WWOX: variants seen among roughly 807,000 people sequenced by gnomAD.
WWOX encodes WW domain containing oxidoreductase.
WWOX carries 69 observed loss-of-function variants against 46.2 expected under a neutral mutation model. That is an observed-to-expected ratio of 1.49 (90% CI 1.23 to 1.82). WWOX has a LOEUF of 1.82. Among genes scored for constraint, WWOX ranks in the 40% most tolerant of loss-of-function variants. The pLI, the probability that WWOX is intolerant of heterozygous loss-of-function variation, is 0.00. For missense variants in WWOX, 919 were observed against 542.6 expected (o/e 1.69, Z -6.89); for synonymous variants, 359 against 202.6 (o/e 1.77, Z -6.56).
intron 8 of WWOX, among the ~76,000 whole-genome samples, chr16:78,798,422 C>T (rs142157138): frequency 1.1e-3 from 162 of 152,156 alleles, no homozygotes; most frequent in Non-Finnish European, 1.9e-3. Flanking sequence ...TGGTGCGATG[C>T]GGGAACAAAA....
intron 8 of WWOX, among the ~76,000 whole-genome samples, chr16:79,032,817 A>C (rs989408747): frequency 1.3e-5 from 2 of 151,528 alleles, no homozygotes; most frequent in Non-Finnish European, 1.5e-5. Flanking sequence ...TTTGTTATAT[A>C]GGTAAACTGG....
intron 8 of WWOX, among the ~76,000 whole-genome samples, chr16:79,097,645 G>T (rs1402150041): frequency 1.3e-5 from 2 of 152,158 alleles, no homozygotes; most frequent in Non-Finnish European, 2.9e-5. Flanking sequence ...TCCAAAGGGG[G>T]TTAGGTTTGT....
chr16:79,038,941 C>T (rs142440654), intron 8 of WWOX, among the ~76,000 whole-genome samples: 5 of 152,128 alleles, frequency 3.3e-5, no homozygotes, highest in East Asian at 1.9e-4. Context: ...TTCATGACCA[C>T]ATATATCTAT....
intron 8 of WWOX, among the ~76,000 whole-genome samples, chr16:78,639,431 C>T (rs1340300085): frequency 6.6e-6 from 1 of 152,086 alleles, no homozygotes; most frequent in African/African-American, 2.4e-5. Flanking sequence ...TGGAAGTGCA[C>T]AGAAGGAAAG....
intron 8 of WWOX, among the ~76,000 whole-genome samples, chr16:78,516,031 T>C (rs1479576779): frequency 3.3e-5 from 5 of 152,058 alleles, no homozygotes; most frequent in Non-Finnish European, 7.4e-5. Flanking sequence ...GCTCCCTCTC[T>C]TTAAGGTTTT....
chr16:78,888,227 C>A (rs114647741), intron 8 of WWOX, among the ~76,000 whole-genome samples: 141 of 152,274 alleles, frequency 9.3e-4, no homozygotes, highest in African/African-American at 3.2e-3. Context: ...TGTTGGGCAA[C>A]TGGGGGCTTT....
chr16:79,030,074 A>G (rs113362055), intron 8 of WWOX, among the ~76,000 whole-genome samples: 1 of 152,326 alleles, frequency 6.6e-6, no homozygotes, highest in East Asian at 1.9e-4. Flanking sequence ...AAAAAATAGC[A>G]TCTGCCCAAA....
intron 6 of WWOX, among the ~76,000 whole-genome samples, chr16:78,405,705 T>C (rs746728288): frequency 6.6e-6 from 1 of 152,214 alleles, no homozygotes; most frequent in Non-Finnish European, 1.5e-5. Flanking sequence ...ATATCCTCTT[T>C]TAGGCACCAT....
chr16:78,272,389 G>C (rs189249024), intron 5 of WWOX, among the ~76,000 whole-genome samples: 1 of 152,160 alleles, frequency 6.6e-6, no homozygotes, highest in Non-Finnish European at 1.5e-5. Context: ...TTACATGGTG[G>C]CTCAGGGCTC....
chr16:78,845,814 G>A (rs924099811), intron 8 of WWOX, among the ~76,000 whole-genome samples: 2 of 152,184 alleles, frequency 1.3e-5, no homozygotes, highest in Non-Finnish European at 2.9e-5. Flanking sequence ...GGCTTATGTG[G>A]GCACTTAAGA....
intron 8 of WWOX, among the ~76,000 whole-genome samples, chr16:78,593,166 C>G (rs1040830999): frequency 6.6e-6 from 1 of 152,116 alleles, no homozygotes; most frequent in Non-Finnish European, 1.5e-5. Flanking sequence ...CCTTGCTCCC[C>G]TGGAGTGTAT....
intron 8 of WWOX, among the ~76,000 whole-genome samples, chr16:79,051,184 G>A (rs996892686): frequency 1.3e-5 from 2 of 152,156 alleles, no homozygotes; most frequent in Admixed American, 1.3e-4. Context: ...GAGCCTGTTG[G>A]GAGAAAAAGT....
chr16:79,178,507 A>C (rs1035589348), intron 8 of WWOX, among the ~76,000 whole-genome samples: 1 of 152,000 alleles, frequency 6.6e-6, no homozygotes, highest in African/African-American at 2.4e-5. Context: ...TGTAGAGACA[A>C]GGTCTCACTG....
At chr16:78,887,588 G>C (rs1011028921) in intron 8 of WWOX, among the ~76,000 whole-genome samples, 4 of 151,770 alleles carry the variant, frequency 2.6e-5, no homozygotes, top group African/African-American at 9.7e-5. Context: ...AGTTGAACAA[G>C]TGGCTGAAAA....
chr16:78,483,422 ATTTT>A (rs367626448), intron 8 of WWOX, among the ~76,000 whole-genome samples: 77 of 133,916 alleles, frequency 5.7e-4, no homozygotes, highest in African/African-American at 2.1e-3. Context: ...TCTGCGTAGA[ATTTT>A]TTTTTTTTTT....
intron 8 of WWOX, among the ~76,000 whole-genome samples, chr16:78,583,958 G>C (rs921127543): frequency 3.3e-5 from 5 of 152,190 alleles, no homozygotes; most frequent in African/African-American, 1.2e-4. Flanking sequence ...CAGCCTCCTT[G>C]CTCCCAAACA....
At chr16:78,994,503 G>A (rs1203787575) in intron 8 of WWOX, 1 of 152,178 alleles carries the variant, frequency 6.6e-6, no homozygotes, top group Non-Finnish European at 1.5e-5. Flanking sequence ...GTACTTATCT[G>A]ACAAATGCAA....
chr16:79,192,176 G>A (rs961139195), intron 8 of WWOX, among the ~76,000 whole-genome samples: 14 of 152,228 alleles, frequency 9.2e-5, no homozygotes, highest in African/African-American at 3.4e-4. Flanking sequence ...GCTCCTGCCA[G>A]CTCTAATAGG....
intron 5 of WWOX, among the ~76,000 whole-genome samples, chr16:78,376,090 T>A (rs1427793595): frequency 6.6e-6 from 1 of 152,076 alleles, no homozygotes; most frequent in African/African-American, 2.4e-5. Context: ...CCTCAAGTGA[T>A]CCACCCGCTT....
Sources: gnomAD v4.1 joint callset for allele counts (sites outside exome capture counted in the v4.1 genomes callset) on GRCh38, gnomAD v4.1.1 for gene constraint, MANE v1.5 for transcripts, NCBI Gene and HGNC (gene_info 2026-07-23, HGNC 2026-07-21) for gene names.